The following SULT1C3 variants were observed in gnomAD, a reference collection of about 807,000 sequenced individuals.
SULT1C3 encodes sulfotransferase family 1C member 3, also known as sulfotransferase 1C3.
SULT1C3 carries 31 observed loss-of-function variants against 28.4 expected under a neutral mutation model. That is an observed-to-expected ratio of 1.09 (90% CI 0.82 to 1.47). The LOEUF (loss-of-function observed/expected upper bound fraction) is 1.47, where lower values mean the gene tolerates loss of function less well. Ranked by LOEUF, SULT1C3 falls within the 40% of genes most tolerant of loss-of-function variation. The pLI is 0.00. For synonymous variants in SULT1C3, 106 were observed against 92.2 expected (o/e 1.15, Z -0.86); for missense variants, 307 against 272.5 (o/e 1.13, Z -0.89).
At position 108,258,794 on chromosome 2, in the gene SULT1C3, G is replaced by GGAT; in HGVS notation, c.588_590dup (p.Arg196_Ile197insMet). 1 of 1,612,750 alleles carries GGAT rather than the reference G, an allele frequency of 6.2e-7. No homozygotes were observed. Among genetic ancestry groups the GGAT allele is most frequent in the East Asian group, 2.2e-5 (1 of 44,798 alleles). On this transcript the variant is annotated inframe_insertion, in exon 6 of 8. Coordinates refer to ENST00000681802, the MANE Select transcript of SULT1C3 (RefSeq NM_001320878.2). ...TGGTGGGCTGCAAAAGACATGCACC[G>GGAT]GATCCTCTACCTCTTCTACGAGGAT...
intron 2 of SULT1C3, among the ~76,000 whole-genome samples, chr2:108,248,170 C>T (rs890629344): frequency 6.6e-6 from 1 of 152,112 alleles, no homozygotes; most frequent in Non-Finnish European, 1.5e-5. Flanking sequence ...TAGAAGGATA[C>T]AAGAACCAAC....
intron 2 of SULT1C3, among the ~76,000 whole-genome samples, chr2:108,249,618 GACTT>G (rs1205564676): frequency 1.3e-5 from 2 of 151,944 alleles, no homozygotes; most frequent in African/African-American, 2.4e-5. Flanking sequence ...AATTGTATAA[GACTT>G]AAATAAATAA....
chr2:108,250,697 T>C (rs1210755022), intron 2 of SULT1C3, among the ~76,000 whole-genome samples: 1 of 152,036 alleles, frequency 6.6e-6, no homozygotes, highest in Non-Finnish European at 1.5e-5. Flanking sequence ...TGCTTATCCA[T>C]ACAATTGAAC....
rs565675627 is a variant in SULT1C3, at chr2:108,259,096, C to T, written c.752C>T (p.Ala251Val). ...MKDNPMANHT[A>V]VPAHIFNHSI... ...GATAATCCCATGGCCAACCATACTG[C>T]GGTACCTGCTCACATATTCAATCAC... Residue 251 changes from alanine to valine, a missense_variant, in exon 7 of 8, where the codon GCG (alanine) becomes GTG (valine). Physicochemically the swap from Ala to Val is moderately conservative, Grantham distance 64. Coordinates refer to ENST00000681802, the MANE Select transcript of SULT1C3 (RefSeq NM_001320878.2). 18 of 577,816 alleles carry T rather than the reference C, an allele frequency of 3.1e-5. No homozygotes were observed. Among genetic ancestry groups the T allele is most frequent in the East Asian group, 7.3e-5 (2 of 27,272 alleles). 35.8% of individuals were successfully genotyped at this position (577,816 alleles called of 1,614,324 possible).
chr2:108,256,216 T>C (rs931768905), intron 5 of SULT1C3, among the ~76,000 whole-genome samples: 1 of 151,948 alleles, frequency 6.6e-6, no homozygotes, highest in Admixed American at 6.6e-5. Context: ...GATCACACCT[T>C]CCAGAGAAGC....
intron 4 of SULT1C3, among the ~76,000 whole-genome samples, chr2:108,254,463 A>G (rs1012558182): frequency 6.6e-6 from 1 of 151,950 alleles, no homozygotes; most frequent in Admixed American, 6.6e-5. Context: ...GTGTTTCCCC[A>G]TCATTTTGTT....
intron 2 of SULT1C3, among the ~76,000 whole-genome samples, chr2:108,247,685 C>G (rs1254382210): frequency 6.6e-6 from 1 of 152,090 alleles, no homozygotes; most frequent in Admixed American, 6.6e-5. Context: ...AACATCAACC[C>G]TCAAGACAGC....
chr2:108,256,433 T>G (rs1675869963), intron 5 of SULT1C3, among the ~76,000 whole-genome samples: 1 of 152,110 alleles, frequency 6.6e-6, no homozygotes, highest in Non-Finnish European at 1.5e-5. Flanking sequence ...TGAGCATTAA[T>G]GCAGAAACAT....
intron 5 of SULT1C3, among the ~76,000 whole-genome samples, chr2:108,257,241 A>G (rs1159377385): frequency 6.6e-6 from 1 of 152,016 alleles, no homozygotes; most frequent in Non-Finnish European, 1.5e-5. Flanking sequence ...CAGGTTTCCA[A>G]AAGAAAGGAT....
At chr2:108,242,462 T>C (rs960432517) in intron 1 of SULT1C3, among the ~76,000 whole-genome samples, 1 of 152,144 alleles carries the variant, frequency 6.6e-6, no homozygotes, top group African/African-American at 2.4e-5. Flanking sequence ...TGAAGGCAAT[T>C]AGCCCATCCC....
chr2:108,252,185 A>AGATAGATG (rs1553414982), intron 2 of SULT1C3, among the ~76,000 whole-genome samples, 180 bp from the exon 3 acceptor site: 1 of 140,370 alleles, frequency 7.1e-6, no homozygotes, highest in African/African-American at 2.6e-5. Flanking sequence ...ATAGATAGAT[A>AGATAGATG]GATGGATAGA....
intron 1 of SULT1C3, among the ~76,000 whole-genome samples, chr2:108,240,573 T>C (rs1196161688): frequency 6.6e-6 from 1 of 152,204 alleles, no homozygotes; most frequent in Non-Finnish European, 1.5e-5. Context: ...CCTACTTACT[T>C]TTATTACCTG....
In SULT1C3 at chr2:108,240,009, G is replaced by C. The variant is rs1481274941; in HGVS notation, c.-82G>C. On this transcript the variant is annotated 5_prime_UTR_variant, in exon 1 of 8. Transcript: ENST00000681802. ...TTGCTTGCACAGTGTCCTGGAGCTGGACCTGGCTCTGGGTTTCCAGGAAGC... is the reference window on the plus strand; with the variant it reads ...TTGCTTGCACAGTGTCCTGGAGCTGCACCTGGCTCTGGGTTTCCAGGAAGC... Among the ~76,000 whole-genome samples the C allele has an allele frequency of 7.2e-5, 11 of 152,186 alleles. No homozygotes were observed. The highest frequency in any genetic ancestry group is 7.2e-4 in the Admixed American group (11 of 15,284).
chr2:108,257,844 G>C (rs1166368579), intron 5 of SULT1C3, among the ~76,000 whole-genome samples: 2 of 152,044 alleles, frequency 1.3e-5, no homozygotes, highest in Non-Finnish European at 2.9e-5. Context: ...ATGAACTAAT[G>C]TATTCTTTGG....
intron 2 of SULT1C3, among the ~76,000 whole-genome samples, 175 bp downstream of exon 2, chr2:108,247,541 C>T (rs549532396): frequency 2.6e-5 from 4 of 152,200 alleles, no homozygotes; most frequent in African/African-American, 9.6e-5. Flanking sequence ...CAACAATTTC[C>T]AATAGCACTC....
chr2:108,252,862 G>T (rs1300118378), intron 3 of SULT1C3, among the ~76,000 whole-genome samples: 1 of 152,056 alleles, frequency 6.6e-6, no homozygotes, highest in Non-Finnish European at 1.5e-5. Flanking sequence ...AAAAGGAGGA[G>T]AAGTAGGGGG....
downstream of SULT1C3, chr2:108,265,222 A>G: frequency 6.2e-7 from 1 of 1,607,546 alleles, no homozygotes; most frequent in Non-Finnish European, 8.5e-7. Flanking sequence ...AATCATTAAG[A>G]TTTTGCCTTG....
rs773421237 is a variant in SULT1C3 at position 108,252,415 on chromosome 2, G to A, written c.223G>A (p.Val75Met). Reference protein sequence around the residue: ...ILDMILNDGDVEKCKRAQTLD... With the variant: ...ILDMILNDGDMEKCKRAQTLD... ...AGACATGATTCTAAATGATGGTGAT[G>A]TGGAGAAATGCAAAAGAGCCCAGAC... The change falls in exon 3 of 8, where the codon GTG (valine) becomes ATG (methionine). Residue 75 changes from valine (V) to methionine (M), a missense_variant. Transcript: ENST00000681802. 1 of 1,612,312 alleles carries A rather than the reference G, an allele frequency of 6.2e-7. No homozygotes were observed. The highest frequency in any genetic ancestry group is 8.5e-7 in the Non-Finnish European group (1 of 1,178,986).
intron 3 of SULT1C3, among the ~76,000 whole-genome samples, chr2:108,252,867 A>AG (rs1194485218): frequency 3.9e-5 from 6 of 152,158 alleles, no homozygotes; most frequent in Non-Finnish European, 5.9e-5. Context: ...GAGGAGAAGT[A>AG]GGGGGGATAT....
Sources: gnomAD v4.1 joint callset for allele counts (sites outside exome capture counted in the v4.1 genomes callset) on GRCh38, gnomAD v4.1.1 for gene constraint, MANE v1.5 for transcripts, NCBI Gene and HGNC (gene_info 2026-07-23, HGNC 2026-07-21) for gene names.